The following PHF10 variants were observed in gnomAD, a reference collection of about 807,000 sequenced individuals.
PHF10 encodes the protein PHD finger protein 10.
Under a neutral mutation model 68.5 loss-of-function variants are expected in PHF10, and 51 were observed. That is an observed-to-expected ratio of 0.74 (90% CI 0.59 to 0.94). The LOEUF (loss-of-function observed/expected upper bound fraction) is 0.94, where lower values mean the gene tolerates loss of function less well. PHF10 is among the 40% of genes least tolerant of loss of function. The pLI, the probability that PHF10 is intolerant of heterozygous loss-of-function variation, is 0.00. For synonymous variants in PHF10, 204 were observed against 203.5 expected (o/e 1.00, Z -0.02); for missense variants, 460 against 602.6 (o/e 0.76, Z 2.48).
At chr6:169,709,500 C>G (rs1788880248) in intron 9 of PHF10, 1 of 152,150 alleles carries the variant, frequency 6.6e-6, no homozygotes, top group Non-Finnish European at 1.5e-5. Flanking sequence ...GGCTACTCAT[C>G]TCTCACCTCA....
At chr6:169,714,524 C>T (rs1788999726) in intron 7 of PHF10, among the ~76,000 whole-genome samples, 1 of 152,214 alleles carries the variant, frequency 6.6e-6, no homozygotes, top group African/African-American at 2.4e-5. Flanking sequence ...TGGGCAGAGA[C>T]AGAGGCATCT....
chr6:169,706,671 G>A (rs1788799498), intron 9 of PHF10, among the ~76,000 whole-genome samples: 1 of 146,842 alleles, frequency 6.8e-6, no homozygotes, highest in Non-Finnish European at 1.5e-5. Flanking sequence ...TGGTAAAAAA[G>A]GAAGAGCAAG....
chr6:169,721,070 G>A lies in PHF10; in HGVS notation c.129C>T (p.Ser43=), dbSNP rs771252020. Residue 43 remains serine (S), a synonymous_variant, in exon 2 of 12, where the codon TCC becomes TCT. Transcript: ENST00000339209. The stretch of plus-strand genomic sequence containing the variant: ...CTCCTGAGCCCATTCGCCTCCTTTT[G>A]GATGGCTGGGTCCCATCATTTGAAT... ...EDNSNDGTQP[S]KRRRMGSGDS... is the part of the protein sequence containing the mutation. 8.4e-6 allele frequency: 13 copies of A among 1,545,962 alleles called. No homozygotes were observed. In the South Asian group the frequency reaches 1.6e-4, roughly 18 times the overall value.
At chr6:169,715,562 C>CAAAA in intron 6 of PHF10, 146 bp downstream of exon 6, 1 of 781,358 alleles carries the variant, frequency 1.3e-6, no homozygotes, top group Non-Finnish European at 2.1e-6. Flanking sequence ...GACTCTGCCA[C>CAAAA]AAAAAACAAA....
chr6:169,721,850 A>G (rs1789186837), intron 1 of PHF10, among the ~76,000 whole-genome samples: 1 of 152,258 alleles, frequency 6.6e-6, no homozygotes, highest in Non-Finnish European at 1.5e-5. Context: ...AATGTAATAT[A>G]GCTTTCAACG....
intron 9 of PHF10, chr6:169,709,764 C>A (rs1788885482): frequency 6.6e-6 from 1 of 152,096 alleles, no homozygotes; most frequent in African/African-American, 2.4e-5. Flanking sequence ...ATCAAATAAT[C>A]CTTAGATTAA....
At chr6:169,706,723 T>TACAC (rs1202611210) in intron 9 of PHF10, among the ~76,000 whole-genome samples, 57 of 72,524 alleles carry the variant, frequency 7.9e-4, no homozygotes, top group Non-Finnish European at 1.0e-3. Flanking sequence ...CATACATACA[T>TACAC]ACATACACAC....
chr6:169,709,467 C>T (rs1232750106), intron 9 of PHF10: 1 of 152,168 alleles, frequency 6.6e-6, no homozygotes, highest in Non-Finnish European at 1.5e-5. Flanking sequence ...TTATGATATT[C>T]TTAAATCCCT....
At chr6:169,716,229 T>C (rs1331080401) in intron 4 of PHF10, 141 bp from the exon 5 acceptor site, 4 of 471,006 alleles carry the variant, frequency 8.5e-6, no homozygotes, top group South Asian at 1.2e-4. Context: ...CTTAGTACAT[T>C]TGAAAATAAT....
At chr6:169,707,702 T>C (rs960321496) in intron 9 of PHF10, 1 of 152,206 alleles carries the variant, frequency 6.6e-6, no homozygotes, top group Admixed American at 6.5e-5. Flanking sequence ...CATTAAAATA[T>C]ACATTAAACA....
At chr6:169,720,726 G>A (rs188492668) in intron 2 of PHF10, among the ~76,000 whole-genome samples, 286 of 152,274 alleles carry the variant, frequency 1.9e-3, no homozygotes, top group Non-Finnish European at 1.7e-3. Flanking sequence ...TGGTGGTAAT[G>A]GCTGCACAAC....
In PHF10 at chr6:169,717,924, A is replaced by G. The variant is rs765040730; in HGVS notation, c.326-18T>C. ...CTCTAAATCTCCAAAAAAAAGATCAAAAGACTATTAAAAACAGCAAAACCT... is the reference window on the plus strand; with the variant it reads ...CTCTAAATCTCCAAAAAAAAGATCAGAAGACTATTAAAAACAGCAAAACCT... On this transcript the variant is annotated intron_variant, in intron 3 of 11. Coordinates refer to ENST00000339209, the MANE Select transcript of PHF10 (RefSeq NM_018288.4). 7.6e-7 allele frequency: 1 copy of G among 1,309,910 alleles called. No homozygotes were observed. The highest frequency in any genetic ancestry group is 1.1e-6 in the Non-Finnish European group (1 of 924,740). 81.1% of individuals were successfully genotyped at this position (1,309,910 alleles called of 1,614,324 possible). A position where few individuals can be genotyped will look rare whatever the true frequency, so the allele number is the denominator to read the frequency against.
chr6:169,715,929 A>G, intron 5 of PHF10, 26 bp downstream of exon 5: 1 of 1,596,280 alleles, frequency 6.3e-7, no homozygotes, highest in East Asian at 2.2e-5. Context: ...CCCAAATAAA[A>G]AATGCCAGTC....
At position 169,715,685 on chromosome 6, in the gene PHF10, G is replaced by A. The variant is rs770791768; in HGVS notation, c.693+23C>T. On this transcript the variant is annotated intron_variant, in intron 6 of 11. Transcript: ENST00000339209. ...ACAAGTAATAAACTAAGTTCAGGGG[G>A]TACTAAATTTAAGTTATCCTACATG... The A allele has an allele frequency of 1.3e-5, 21 of 1,599,072 alleles. No individual in the cohort carries two copies. The East Asian group carries it at 2.5e-4, about 19-fold the overall frequency.
intron 1 of PHF10, among the ~76,000 whole-genome samples, chr6:169,723,141 C>G (rs1199354750): frequency 6.6e-6 from 1 of 152,188 alleles, no homozygotes; most frequent in African/African-American, 2.4e-5. Flanking sequence ...ATTCCAGTTC[C>G]CACCGCCTTC....
In PHF10 at chr6:169,718,865, T is replaced by C. The variant is rs764133684; in HGVS notation, c.248A>G (p.Glu83Gly). The change falls in exon 3 of 12, where the codon GAA (glutamate) becomes GGA (glycine). Residue 83 changes from glutamate (E) to glycine (G), a missense_variant. Coordinates refer to ENST00000339209, the MANE Select transcript of PHF10 (RefSeq NM_018288.4). Reference protein sequence around the residue: ...NLIEYKWPPDETGEYYMLQEQ... With the variant: ...NLIEYKWPPDGTGEYYMLQEQ... Reference sequence around the variant, plus strand: ...TTGAAGCATATAGTATTCTCCTGTTTCATCAGGTGGCCATTTGTACTCTAT... The same window carrying C: ...TTGAAGCATATAGTATTCTCCTGTTCCATCAGGTGGCCATTTGTACTCTAT... 6.3e-7 allele frequency: 1 copy of C among 1,599,504 alleles called. No individual in the cohort carries two copies. The highest frequency in any genetic ancestry group is 8.6e-7 in the Non-Finnish European group (1 of 1,167,890).
At chr6:169,713,854 T>C (rs992100178) in intron 7 of PHF10, among the ~76,000 whole-genome samples, 1 of 152,184 alleles carries the variant, frequency 6.6e-6, no homozygotes, top group Non-Finnish European at 1.5e-5. Context: ...CTGGGCACAG[T>C]GGCTCACACC....
chr6:169,717,439 T>C (rs1189498687), intron 4 of PHF10, among the ~76,000 whole-genome samples: 1 of 152,202 alleles, frequency 6.6e-6, no homozygotes, highest in African/African-American at 2.4e-5. Flanking sequence ...TCAGAAAACT[T>C]ACATTAGCCT....
Position 169,718,990 on chromosome 6 carries a change from T to C in PHF10, c.195-72A>G, listed in dbSNP as rs1418030353. ...TTTTTAATCACTTTTATTGAGGATA[T>C]TTTGAAAACTATTTTAAGTATTTAA... On this transcript the variant is annotated intron_variant, in intron 2 of 11. Transcript: ENST00000339209. 5.9e-6 allele frequency: 6 copies of C among 1,013,734 alleles called. No individual in the cohort carries two copies. The East Asian group carries it at 1.3e-4, about 22-fold the overall frequency. The allele number at this position is 1,013,734 out of a possible 1,614,324, so 62.8% of individuals were successfully genotyped here.
Sources: allele counts gnomAD v4.1 joint callset (sites outside exome capture counted in the v4.1 genomes callset), GRCh38; gene constraint gnomAD v4.1.1; transcripts MANE v1.5; gene names NCBI Gene and HGNC (gene_info 2026-07-23, HGNC 2026-07-21).